SAMD4B: variants seen among roughly 807,000 people sequenced by gnomAD.
The protein encoded by SAMD4B is protein Smaug homolog 2.
In SAMD4B, 5 loss-of-function variants were observed where a neutral mutation model predicts 74.5. The observed-to-expected ratio is 0.07, with a 90% CI of 0.04 to 0.14. The LOEUF is 0.14. Ranked by LOEUF, SAMD4B falls within the 10% of genes least tolerant of loss-of-function variation. SAMD4B has a pLI of 1.00. For missense variants in SAMD4B, 608 were observed against 921.8 expected (o/e 0.66, Z 4.41); for synonymous variants, 373 against 374.9 (o/e 1.00, Z 0.06).
At chr19:39,368,899 T>C (rs756614608) in intron 3 of SAMD4B, among the ~76,000 whole-genome samples, 4 of 152,212 alleles carry the variant, frequency 2.6e-5, no homozygotes, top group Non-Finnish European at 4.4e-5. Context: ...GTCTAGACCA[T>C]CTGATTCCAG....
At chr19:39,354,329 A>G (rs1418332673) in intron 2 of SAMD4B, among the ~76,000 whole-genome samples, 2 of 152,192 alleles carry the variant, frequency 1.3e-5, no homozygotes, top group Non-Finnish European at 2.9e-5. Flanking sequence ...CAGTTATGCC[A>G]TTCCCCTTGA....
rs1297476598 is a variant in SAMD4B, at chr19:39,353,996, A to G, written c.-266-10A>G. ...TCCCCATTAATGGATATTCCCATTC[A>G]TTTCTTCAGGATTCTTCTCATCGCA... On this transcript the variant is annotated splice_polypyrimidine_tract_variant and intron_variant, in intron 1 of 13. Coordinates refer to ENST00000610417, the MANE Select transcript of SAMD4B (RefSeq NM_001384574.2). 2.0e-5 allele frequency: 3 copies of G among 152,134 alleles called. No homozygotes were observed. The highest frequency in any genetic ancestry group is 4.4e-5 in the Non-Finnish European group (3 of 68,054). 9.4% of individuals were successfully genotyped at this position (152,134 alleles called of 1,614,324 possible).
intron 3 of SAMD4B, among the ~76,000 whole-genome samples, chr19:39,366,113 C>G (rs1040480169): frequency 1.3e-5 from 2 of 152,114 alleles, no homozygotes; most frequent in Non-Finnish European, 2.9e-5. Flanking sequence ...GTCAGGAGTT[C>G]CAGACCAGTC....
At chr19:39,379,735 T>A (rs2077838180) in intron 9 of SAMD4B, among the ~76,000 whole-genome samples, 1 of 152,140 alleles carries the variant, frequency 6.6e-6, no homozygotes, top group South Asian at 2.1e-4. Context: ...CATGCCTGGA[T>A]AATTTTTGTA....
At position 39,380,058 on chromosome 19, in the gene SAMD4B, G is replaced by C; in HGVS notation, c.1623G>C (p.Glu541Asp). 6.2e-7 allele frequency: 1 copy of C among 1,613,800 alleles called. No homozygotes were observed. The highest frequency in any genetic ancestry group is 2.2e-5 in the East Asian group (1 of 44,886). ...LRTFPRKAAL[E>D]MQNYRQQKGW... ...CATTCCCGCGCAAAGCCGCACTAGA[G>C]ATGCAGAACTACCGGCAGCAGAAAG... Residue 541 changes from glutamate to aspartate, a missense_variant, in exon 10 of 14, where the codon GAG becomes GAC. Physicochemically the swap from Glu to Asp is conservative, Grantham distance 45. This residue lies in a region of SAMD4B where 167 missense variants were observed against 193.0 expected (regional missense o/e 0.87). Transcript: ENST00000610417.
intron 1 of SAMD4B, among the ~76,000 whole-genome samples, chr19:39,342,818 T>A (rs1459640703): frequency 6.6e-6 from 1 of 151,326 alleles, no homozygotes; most frequent in East Asian, 1.9e-4. Flanking sequence ...ATCTTTCTCA[T>A]GCCCTCGGGA....
intron 3 of SAMD4B, among the ~76,000 whole-genome samples, chr19:39,358,544 C>T (rs2076466779): frequency 6.6e-6 from 1 of 151,676 alleles, no homozygotes; most frequent in African/African-American, 2.4e-5. Context: ...GCCACCGCAC[C>T]CAGCCAGTTT....
chr19:39,378,768 G>A lies in SAMD4B; in HGVS notation c.1530+179G>A, dbSNP rs958499893. On this transcript the variant is annotated intron_variant, in intron 9 of 13. Coordinates refer to ENST00000610417, the MANE Select transcript of SAMD4B (RefSeq NM_001384574.2). The surrounding 1 kb of genome is among the most constrained non-coding windows in gnomAD (Gnocchi z 4.4). The stretch of plus-strand genomic sequence containing the variant: ...TAAAAATACAAAAAATTAGCCGGGC[G>A]TGGTGGCAGGTGCCTGCAGTCCCAG... Among the ~76,000 whole-genome samples, 4 of 152,238 alleles carry A rather than the reference G, an allele frequency of 2.6e-5. No homozygotes were observed. The highest frequency in any genetic ancestry group is 5.9e-5 in the Non-Finnish European group (4 of 68,048).
At chr19:39,361,639 C>A (rs2076656790) in intron 3 of SAMD4B, among the ~76,000 whole-genome samples, 1 of 150,124 alleles carries the variant, frequency 6.7e-6, no homozygotes, top group African/African-American at 2.5e-5. Context: ...TGCCTGTCTT[C>A]CCGGCCGGGC....
rs1316406857 is a variant in SAMD4B, at chr19:39,380,729, G to A, written c.1792G>A (p.Gly598Ser). Residue 598 changes from glycine to serine, a missense_variant, in exon 11 of 14, where the codon GGT becomes AGT. Gly to Ser is a moderately conservative substitution (Grantham distance 56). Coordinates refer to ENST00000610417, the MANE Select transcript of SAMD4B (RefSeq NM_001384574.2). ...MGLLSPSGIGGVSPRHALTSP... is the reference protein window; with the variant it reads ...MGLLSPSGIGSVSPRHALTSP... ...CCTCCTGAGCCCCTCGGGCATTGGGGGTGTCTCCCCTCGACATGCCCTCAC... is the reference window on the plus strand; with the variant it reads ...CCTCCTGAGCCCCTCGGGCATTGGGAGTGTCTCCCCTCGACATGCCCTCAC... 2 of 1,607,018 alleles carry A rather than the reference G, an allele frequency of 1.2e-6. No individual in the cohort carries two copies. The highest frequency in any genetic ancestry group is 1.7e-6 in the Non-Finnish European group (2 of 1,176,718).
Position 39,370,073 on chromosome 19 carries a change from A to G in SAMD4B, c.615A>G (p.Pro205=), listed in dbSNP as rs755070008. ...AAAATGGACACGTGCCCTTCCACCC[A>G]TCCAGCTCAGTGCCGCCAGCCATCA... ...PRENGHVPFH[P]SSSVPPAINS... Residue 205 remains proline (P), a synonymous_variant, in exon 4 of 14, where the codon CCA becomes CCG. Transcript: ENST00000610417. 1.4e-5 allele frequency: 23 copies of G among 1,610,108 alleles called. No individual in the cohort carries two copies. The highest frequency in any genetic ancestry group is 2.2e-5 in the East Asian group (1 of 44,616).
At chr19:39,386,543 G>A (rs368193677), downstream of SAMD4B, 35 of 1,613,900 alleles carry the variant, frequency 2.2e-5, no homozygotes, top group Admixed American at 6.7e-5. The surrounding 1 kb of genome is among the most constrained non-coding windows in gnomAD (Gnocchi z 6.1). Flanking sequence ...CCTCCGGTTC[G>A]TGGTTTTCTA....
chr19:39,369,595 C>T lies in SAMD4B; in HGVS notation c.197-60C>T, dbSNP rs1306395653. ...GGGAATAGGCCATAGGCAGTGCTCT[C>T]AGGTGAATAGGAGTACCCCACCCTG... is the stretch of plus-strand genomic sequence containing the variant. On this transcript the variant is annotated intron_variant, in intron 3 of 13. Coordinates refer to ENST00000610417, the MANE Select transcript of SAMD4B (RefSeq NM_001384574.2). 5 of 1,386,084 alleles carry T rather than the reference C, an allele frequency of 3.6e-6. No individual in the cohort carries two copies. In the African/African-American group the frequency reaches 7.1e-5, roughly 20 times the overall value. 85.9% of individuals were successfully genotyped at this position (1,386,084 alleles called of 1,614,324 possible).
intron 1 of SAMD4B, chr19:39,350,903 G>C (rs975731481): frequency 7.9e-5 from 12 of 152,306 alleles, no homozygotes; most frequent in African/African-American, 2.7e-4. Context: ...ACCACGCCCA[G>C]CTAATTTTTG....
chr19:39,386,030 T>C (rs755954798), downstream of SAMD4B: 2 of 1,613,906 alleles, frequency 1.2e-6, no homozygotes, highest in South Asian at 2.2e-5. This position sits in a 1 kb window ranked among gnomAD's most constrained non-coding sequence, Gnocchi z 6.1. Context: ...AATCAGAAGC[T>C]GCAGCTTCAC....
downstream of SAMD4B, chr19:39,389,757 C>T (rs777585469): frequency 8.7e-6 from 14 of 1,614,074 alleles, no homozygotes; most frequent in South Asian, 2.2e-5. This position sits in a 1 kb window ranked among gnomAD's most constrained non-coding sequence, Gnocchi z 5.3. Context: ...TTGTACTGGA[C>T]GAACCTGGGT....
intron 10 of SAMD4B, 114 bp downstream of exon 10, chr19:39,380,198 A>C: frequency 7.7e-6 from 6 of 778,072 alleles, no homozygotes; most frequent in Non-Finnish European, 1.2e-5. Context: ...TTATTCAGTC[A>C]CTGGGCGACT....
chr19:39,380,446 C>A, intron 10 of SAMD4B, 141 bp from the exon 11 acceptor site: 3 of 881,766 alleles, frequency 3.4e-6, no homozygotes, highest in Admixed American at 1.9e-5. Flanking sequence ...AGGGGGTACC[C>A]TTGGGGCAGA....
At chr19:39,351,821 TC>T (rs1160916208) in intron 1 of SAMD4B, 2 of 152,116 alleles carry the variant, frequency 1.3e-5, no homozygotes, top group African/African-American at 4.8e-5. Context: ...CCTTAGTAGT[TC>T]CAGCAAAAAT....
Sources: allele counts gnomAD v4.1 joint callset (sites outside exome capture counted in the v4.1 genomes callset), GRCh38; gene constraint gnomAD v4.1.1; regional missense constraint gnomAD v4.1.1; non-coding constraint Gnocchi (gnomAD v3.1); transcripts MANE v1.5; gene names NCBI Gene and HGNC (gene_info 2026-07-23, HGNC 2026-07-21).